Variants in ESRRG observed in about 807,000 individuals in gnomAD.
The protein encoded by ESRRG is estrogen-related receptor gamma.
Under a neutral mutation model 44.0 loss-of-function variants are expected in ESRRG, and 13 were observed. The observed-to-expected ratio is 0.30, with a 90% CI of 0.19 to 0.47. ESRRG has a LOEUF of 0.47. Among genes scored for constraint, ESRRG ranks in the 20% least tolerant of loss-of-function variants. The pLI, the probability that ESRRG is intolerant of heterozygous loss-of-function variation, is 1.00. For synonymous variants in ESRRG, 215 were observed against 214.6 expected (o/e 1.00, Z -0.02); for missense variants, 395 against 580.6 (o/e 0.68, Z 3.29).
intron 1 of ESRRG, among the ~76,000 whole-genome samples, chr1:217,097,889 T>TG (rs1445646417): frequency 6.7e-6 from 1 of 149,606 alleles, no homozygotes; most frequent in African/African-American, 2.4e-5. Context: ...TTTATGACCA[T>TG]GGTTCCTAAA....
chr1:216,745,811 T>C (rs1023668945), intron 2 of ESRRG, among the ~76,000 whole-genome samples: 5 of 152,230 alleles, frequency 3.3e-5, no homozygotes, highest in Admixed American at 6.5e-5. Flanking sequence ...AATTGTATTA[T>C]GGTGATGTAT....
At chr1:216,805,653 G>A (rs1163051626) in intron 2 of ESRRG, among the ~76,000 whole-genome samples, 1 of 151,900 alleles carries the variant, frequency 6.6e-6, no homozygotes, top group Non-Finnish European at 1.5e-5. Flanking sequence ...AAACTGAAAG[G>A]CATTTGCCGT....
chr1:216,530,745 C>T (rs2049121874), intron 5 of ESRRG, among the ~76,000 whole-genome samples: 1 of 152,122 alleles, frequency 6.6e-6, no homozygotes, highest in Admixed American at 6.6e-5. Context: ...AGAAAAATTG[C>T]TTATAATTTC....
chr1:216,914,829 C>T (rs2060938726), intron 2 of ESRRG, among the ~76,000 whole-genome samples: 3 of 152,014 alleles, frequency 2.0e-5, no homozygotes, highest in African/African-American at 7.2e-5. Context: ...GGGCGGAGGA[C>T]AGAGGGATTC....
intron 5 of ESRRG, among the ~76,000 whole-genome samples, chr1:216,521,521 C>A (rs2046077308): frequency 6.6e-6 from 1 of 151,918 alleles, no homozygotes; most frequent in Non-Finnish European, 1.5e-5. Flanking sequence ...CCTTAGTTTT[C>A]TTGTTCCTTT....
intron 2 of ESRRG, among the ~76,000 whole-genome samples, chr1:216,837,631 G>A (rs2095588551): frequency 1.3e-5 from 2 of 152,166 alleles, no homozygotes; most frequent in South Asian, 2.1e-4. Context: ...TGAGAGAGTG[G>A]GCTGGAGATG....
intron 1 of ESRRG, among the ~76,000 whole-genome samples, chr1:216,710,561 TG>T (rs1319627307): frequency 3.3e-5 from 5 of 152,344 alleles, no homozygotes; most frequent in African/African-American, 1.2e-4. Flanking sequence ...AAAATGCTGT[TG>T]TAATCAGGTG....
At chr1:216,709,838 A>T (rs934368362) in intron 1 of ESRRG, among the ~76,000 whole-genome samples, 2 of 151,944 alleles carry the variant, frequency 1.3e-5, no homozygotes, top group African/African-American at 2.4e-5. Context: ...CGAAACAATA[A>T]TTTTTTTTAG....
chr1:216,664,701 A>AAC (rs1235837233), intron 2 of ESRRG, among the ~76,000 whole-genome samples: 1 of 150,910 alleles, frequency 6.6e-6, no homozygotes, highest in East Asian at 1.9e-4. Flanking sequence ...AGAAAAAAAA[A>AAC]AAAAAACAGA....
At chr1:217,095,555 A>T (rs927258357) in intron 1 of ESRRG, among the ~76,000 whole-genome samples, 1 of 152,170 alleles carries the variant, frequency 6.6e-6, no homozygotes, top group Non-Finnish European at 1.5e-5. Context: ...AACTGGAGGG[A>T]TATTTGGCAG....
At chr1:216,702,692 G>T (rs1195583566) in intron 1 of ESRRG, among the ~76,000 whole-genome samples, 1 of 148,800 alleles carries the variant, frequency 6.7e-6, no homozygotes, top group Admixed American at 6.8e-5. Flanking sequence ...CAGCAGAATC[G>T]CTTGAACCCA....
chr1:216,863,853 G>A (rs1438731675), intron 2 of ESRRG: 1 of 152,102 alleles, frequency 6.6e-6, no homozygotes, highest in Non-Finnish European at 1.5e-5. Context: ...CTGCTGCACA[G>A]GAAGCTCCTA....
At chr1:216,877,725 A>G (rs1025042491) in intron 2 of ESRRG, among the ~76,000 whole-genome samples, 5 of 151,988 alleles carry the variant, frequency 3.3e-5, no homozygotes, top group Non-Finnish European at 7.4e-5. Context: ...CCCGGCCTAT[A>G]TGTATGTTTT....
At chr1:216,732,283 C>T (rs1177227977) in intron 2 of ESRRG, among the ~76,000 whole-genome samples, 1 of 152,030 alleles carries the variant, frequency 6.6e-6, no homozygotes, top group Non-Finnish European at 1.5e-5. Context: ...ATTATATTAT[C>T]ATCCCCATTT....
chr1:216,740,991 T>A (rs1218813754), intron 2 of ESRRG, among the ~76,000 whole-genome samples: 2 of 151,818 alleles, frequency 1.3e-5, no homozygotes, highest in African/African-American at 2.4e-5. Context: ...TCAGATAAAT[T>A]TTTTAAAGTC....
rs1254896528 is a variant in ESRRG at position 217,026,908 on chromosome 1, C to CAGAGAGAG, written c.-106+62598_-106+62599insCTCTCTCT. The stretch of plus-strand genomic sequence containing the variant: ...ACACATACACACACACACACACACA[C>CAGAGAGAG]ACACAGAGAGAGAGAGAGAGAGAGA... On this transcript the variant is annotated intron_variant, in intron 1 of 7. Transcript: ENST00000359162. 9.6e-3 allele frequency among the ~76,000 whole-genome samples: 867 copies of CAGAGAGAG among 90,540 alleles called. 9 individuals are homozygous for CAGAGAGAG. Among genetic ancestry groups the CAGAGAGAG allele is most frequent in the African/African-American group, 0.018 (446 of 24,292 alleles). 59.4% of individuals were successfully genotyped at this position (90,540 alleles called of 152,430 possible).
At position 217,043,946 on chromosome 1, in the gene ESRRG, A is replaced by G. The variant is rs145538243; in HGVS notation, c.-106+45561T>C. ...TGAAGAAAAGAAAAAAAAAACTGCC[A>G]GATTTTAACTTTACCTTTCTCCAAT... On this transcript the variant is annotated intron_variant, in intron 1 of 7. Transcript: ENST00000359162. Among the ~76,000 whole-genome samples the G allele has an allele frequency of 1.2e-3, 190 of 152,246 alleles. 3 individuals are homozygous for G. The highest frequency in any genetic ancestry group is 4.0e-3 in the African/African-American group (166 of 41,550).
At chr1:216,635,380 A>G (rs574603917) in intron 3 of ESRRG, among the ~76,000 whole-genome samples, 1 of 152,360 alleles carries the variant, frequency 6.6e-6, no homozygotes, top group East Asian at 1.9e-4. Flanking sequence ...CTTAAAAACA[A>G]CAACTATAGC....
At chr1:216,797,712 G>A (rs2094511132) in intron 2 of ESRRG, among the ~76,000 whole-genome samples, 1 of 152,120 alleles carries the variant, frequency 6.6e-6, no homozygotes, top group Non-Finnish European at 1.5e-5. Context: ...AGACCTAGAT[G>A]TTGTTTTCAT....
Sources: gnomAD v4.1 joint callset for allele counts (sites outside exome capture counted in the v4.1 genomes callset) on GRCh38, gnomAD v4.1.1 for gene constraint, MANE v1.5 for transcripts, NCBI Gene and HGNC (gene_info 2026-07-23, HGNC 2026-07-21) for gene names.